ZNF385C: variants seen among roughly 807,000 people sequenced by gnomAD.
ZNF385C encodes CTD-2132N18.2.
Under a neutral mutation model 35.4 loss-of-function variants are expected in ZNF385C, and 28 were observed. The ratio of observed to expected loss-of-function variants is 0.79; its 90% CI spans 0.59 to 1.08. The LOEUF is 1.08. ZNF385C is among the 50% of genes least tolerant of loss of function. ZNF385C has a pLI of 0.00. For synonymous variants in ZNF385C, 248 were observed against 248.2 expected (o/e 1.00, Z 0.01); for missense variants, 605 against 595.6 (o/e 1.02, Z -0.16).
chr17:42,089,147 C>T (rs1313691879), intron 1 of ZNF385C, among the ~76,000 whole-genome samples: 1 of 152,006 alleles, frequency 6.6e-6, no homozygotes, highest in East Asian at 1.9e-4. Context: ...GCAACTCCAT[C>T]TCTACAAAAA....
intron 2 of ZNF385C, chr17:42,062,589 A>G: frequency 2.5e-6 from 1 of 392,952 alleles, no homozygotes; most frequent in Non-Finnish European, 4.5e-6. Context: ...CGGCCTAAGG[A>G]CCCACAGATT....
At chr17:42,051,021 A>G (rs1555657081) in intron 2 of ZNF385C, among the ~76,000 whole-genome samples, 2 of 152,164 alleles carry the variant, frequency 1.3e-5, no homozygotes, top group African/African-American at 4.8e-5. Context: ...CGGGTCAATT[A>G]GGGTTCGCAG....
At chr17:42,094,634 G>T (rs1013825275) in intron 1 of ZNF385C, among the ~76,000 whole-genome samples, 1 of 152,146 alleles carries the variant, frequency 6.6e-6, no homozygotes, top group South Asian at 2.1e-4. Flanking sequence ...CACAGGAGGC[G>T]CAGGGCCAGA....
chr17:42,037,591 T>G, intron 3 of ZNF385C, 146 bp downstream of exon 3: 7 of 970,544 alleles, frequency 7.2e-6, no homozygotes, highest in Non-Finnish European at 1.0e-5. Context: ...GGGTCCCTAT[T>G]TGGGGAGCAC....
intron 2 of ZNF385C, chr17:42,040,002 C>A: frequency 8.1e-7 from 1 of 1,231,056 alleles, no homozygotes; most frequent in Non-Finnish European, 1.0e-6. Context: ...TGCACAGGGC[C>A]CGCGGGCCGA....
At chr17:42,067,473 C>T (rs1384190933) in intron 1 of ZNF385C, among the ~76,000 whole-genome samples, 4 of 152,068 alleles carry the variant, frequency 2.6e-5, no homozygotes, top group African/African-American at 9.7e-5. Flanking sequence ...CCAGGTGGCG[C>T]AGCAAACATC....
At chr17:42,053,825 G>A (rs1037405561) in intron 2 of ZNF385C, among the ~76,000 whole-genome samples, 1 of 152,104 alleles carries the variant, frequency 6.6e-6, no homozygotes, top group South Asian at 2.1e-4. Context: ...CAGCCCGGGC[G>A]TCATCAGCAC....
chr17:42,026,663 T>C lies in ZNF385C; in HGVS notation c.*234A>G. 1.7e-6 allele frequency: 1 copy of C among 584,832 alleles called. No individual in the cohort carries two copies. The highest frequency in any genetic ancestry group is 3.1e-6 in the Non-Finnish European group (1 of 327,838). The allele number at this position is 584,832 out of a possible 1,614,324, so 36.2% of individuals were successfully genotyped here. ...ATTTTGCATAGATCTTTGGGGTCTG[T>C]CAGGGTGGGAAATGCAGGCAAGCCT... On this transcript the variant is annotated 3_prime_UTR_variant, in exon 9 of 9. Transcript: ENST00000692273.
intron 2 of ZNF385C, among the ~76,000 whole-genome samples, chr17:42,051,995 G>A (rs1318791395): frequency 2.0e-5 from 3 of 152,170 alleles, no homozygotes; most frequent in Non-Finnish European, 4.4e-5. Flanking sequence ...AGCTGCCCCC[G>A]AGTGGCACCA....
At chr17:42,034,864 C>T (rs1265345769) in intron 3 of ZNF385C, among the ~76,000 whole-genome samples, 1 of 151,140 alleles carries the variant, frequency 6.6e-6, no homozygotes, top group South Asian at 2.1e-4. Flanking sequence ...CAGTGGCTCA[C>T]GCCTGTAATC....
chr17:42,043,441 A>C, intron 2 of ZNF385C: 25 of 1,201,188 alleles, frequency 2.1e-5, no homozygotes, highest in South Asian at 4.3e-5. Flanking sequence ...TGCCTCCCCC[A>C]CACACAGGCA....
At chr17:42,079,286 C>T (rs2053721929) in intron 1 of ZNF385C, among the ~76,000 whole-genome samples, 1 of 147,628 alleles carries the variant, frequency 6.8e-6, no homozygotes, top group South Asian at 2.1e-4. Flanking sequence ...CACCTGTAAT[C>T]CCAACTACTG....
chr17:42,076,566 G>A (rs1431902346), intron 1 of ZNF385C, among the ~76,000 whole-genome samples: 2 of 152,046 alleles, frequency 1.3e-5, no homozygotes, highest in Non-Finnish European at 2.9e-5. Context: ...AGCTGGCAGT[G>A]AGCCAAGATC....
intron 1 of ZNF385C, among the ~76,000 whole-genome samples, chr17:42,084,168 A>G (rs1367957295): frequency 1.3e-5 from 2 of 151,776 alleles, no homozygotes; most frequent in Non-Finnish European, 2.9e-5. Context: ...GAACATATCA[A>G]GACCTCATAT....
At chr17:42,069,436 C>A (rs1277047255) in intron 1 of ZNF385C, among the ~76,000 whole-genome samples, 4 of 152,130 alleles carry the variant, frequency 2.6e-5, no homozygotes, top group African/African-American at 9.7e-5. Flanking sequence ...ATGGAGGGGA[C>A]TGTGGAGGCC....
Position 42,084,171 on chromosome 17 carries a change from C to A in ZNF385C, c.-3+14239G>T, listed in dbSNP as rs148684446. 3.9e-3 allele frequency among the ~76,000 whole-genome samples: 595 copies of A among 151,248 alleles called. 4 individuals are homozygous for A. The highest frequency in any genetic ancestry group is 0.014 in the African/African-American group (566 of 41,162). The stretch of plus-strand genomic sequence containing the variant: ...CTAGTCTGTGCTGAACATATCAAGA[C>A]CTCATATCTGAAAAAAAAAAAAATA... On this transcript the variant is annotated intron_variant, in intron 1 of 8. Coordinates refer to ENST00000692273, the MANE Select transcript of ZNF385C (RefSeq NM_001392013.1).
chr17:42,087,037 G>A (rs782615286), intron 1 of ZNF385C, among the ~76,000 whole-genome samples: 2 of 151,794 alleles, frequency 1.3e-5, no homozygotes, highest in Non-Finnish European at 2.9e-5. Context: ...TGGTCAGGCT[G>A]GTCTTGAACT....
intron 2 of ZNF385C, chr17:42,040,997 C>T (rs797029316): frequency 2.4e-6 from 3 of 1,232,266 alleles, no homozygotes; most frequent in East Asian, 6.3e-5. Flanking sequence ...GCAGTGGCCT[C>T]GCCCTCCTGT....
At chr17:42,034,372 T>A in intron 3 of ZNF385C, 37 bp from the exon 4 acceptor site, 1 of 1,513,730 alleles carries the variant, frequency 6.6e-7, no homozygotes, top group Non-Finnish European at 9.0e-7. Flanking sequence ...AACTCTGGGG[T>A]TGGCTTGGGA....
Sources: gnomAD v4.1 joint callset for allele counts (sites outside exome capture counted in the v4.1 genomes callset) on GRCh38, gnomAD v4.1.1 for gene constraint, MANE v1.5 for transcripts, NCBI Gene and HGNC (gene_info 2026-07-23, HGNC 2026-07-21) for gene names.